PAK5: variants seen among roughly 807,000 people sequenced by gnomAD.
The protein encoded by PAK5 is p21 (RAC1) activated kinase 5, also known as serine/threonine-protein kinase PAK 5.
Under a neutral mutation model 65.9 loss-of-function variants are expected in PAK5, and 16 were observed. That is an observed-to-expected ratio of 0.24 (90% CI 0.16 to 0.37). The LOEUF is 0.37. Ranked by LOEUF, PAK5 falls within the 10% of genes least tolerant of loss-of-function variation. The pLI, the probability that PAK5 is intolerant of heterozygous loss-of-function variation, is 1.00. For synonymous variants in PAK5, 371 were observed against 354.9 expected (o/e 1.05, Z -0.51); for missense variants, 785 against 903.9 (o/e 0.87, Z 1.69).
chr20:9,545,304 G>T (rs972066232), intron 7 of PAK5, among the ~76,000 whole-genome samples: 6 of 152,130 alleles, frequency 3.9e-5, no homozygotes, highest in African/African-American at 1.2e-4. Flanking sequence ...TAGGCACCCT[G>T]CTGGTTTATG....
intron 2 of PAK5, among the ~76,000 whole-genome samples, chr20:9,657,426 T>C (rs2047283240): frequency 6.6e-6 from 1 of 152,192 alleles, no homozygotes; most frequent in East Asian, 1.9e-4. Flanking sequence ...TTTCTAGTTT[T>C]TGGCTATTAC....
intron 3 of PAK5, among the ~76,000 whole-genome samples, chr20:9,643,342 A>G (rs1310828278): frequency 1.3e-5 from 2 of 152,232 alleles, no homozygotes; most frequent in Non-Finnish European, 2.9e-5. Context: ...GAAGAGCAGA[A>G]GAAAACTGCA....
At chr20:9,593,255 A>G (rs913560486) in intron 3 of PAK5, among the ~76,000 whole-genome samples, 11 of 151,964 alleles carry the variant, frequency 7.2e-5, no homozygotes, top group Admixed American at 7.2e-4. Context: ...AGTCAGGTAT[A>G]ATCATACCAC....
At chr20:9,812,303 G>A (rs540207812) in intron 1 of PAK5, among the ~76,000 whole-genome samples, 71 of 151,828 alleles carry the variant, frequency 4.7e-4, no homozygotes, top group Middle Eastern at 6.8e-3. Context: ...AAAAAACGAT[G>A]TTTAAAATCA....
chr20:9,664,135 G>A (rs1335406399), intron 2 of PAK5, among the ~76,000 whole-genome samples: 1 of 152,120 alleles, frequency 6.6e-6, no homozygotes, highest in East Asian at 1.9e-4. Flanking sequence ...ACCATAGAAA[G>A]AGCCCCAGAT....
intron 1 of PAK5, among the ~76,000 whole-genome samples, chr20:9,799,452 TG>T (rs1189005536): frequency 6.6e-6 from 1 of 152,134 alleles, no homozygotes; most frequent in Non-Finnish European, 1.5e-5. Flanking sequence ...GAGTTTTAAC[TG>T]GAACATGCAA....
At chr20:9,732,759 A>G (rs2048347818) in intron 1 of PAK5, among the ~76,000 whole-genome samples, 2 of 152,114 alleles carry the variant, frequency 1.3e-5, no homozygotes, top group Non-Finnish European at 2.9e-5. Flanking sequence ...CTCTCACTCC[A>G]TCCTCTTCAA....
chr20:9,548,070 T>C (rs573417536), intron 7 of PAK5, among the ~76,000 whole-genome samples: 3 of 152,184 alleles, frequency 2.0e-5, no homozygotes, highest in Non-Finnish European at 4.4e-5. Context: ...ACCTGAATGG[T>C]TTTTAAAGCC....
At chr20:9,641,626 G>T (rs192594200) in intron 3 of PAK5, among the ~76,000 whole-genome samples, 1 of 151,982 alleles carries the variant, frequency 6.6e-6, no homozygotes, top group African/African-American at 2.4e-5. Flanking sequence ...GGGACTGGGC[G>T]CTGTGGAGCA....
At chr20:9,688,021 G>A (rs2047743324) in intron 2 of PAK5, among the ~76,000 whole-genome samples, 3 of 151,878 alleles carry the variant, frequency 2.0e-5, no homozygotes, top group African/African-American at 4.8e-5. Context: ...ATGGATTGGC[G>A]ATGGTGGGGG....
chr20:9,687,124 T>C (rs1372650906), intron 2 of PAK5, among the ~76,000 whole-genome samples: 1 of 152,198 alleles, frequency 6.6e-6, no homozygotes, highest in African/African-American at 2.4e-5. Context: ...GCCTATCTTA[T>C]GCCCAGGCTG....
chr20:9,558,997 G>A (rs796261749), intron 6 of PAK5, among the ~76,000 whole-genome samples: 17 of 152,200 alleles, frequency 1.1e-4, no homozygotes, highest in African/African-American at 1.4e-4. Context: ...CACGCTTTCC[G>A]ACTTTCCCAC....
At chr20:9,617,652 T>G (rs2123169486) in intron 3 of PAK5, among the ~76,000 whole-genome samples, 1 of 146,918 alleles carries the variant, frequency 6.8e-6, no homozygotes, top group African/African-American at 2.5e-5. Flanking sequence ...ACCTCTTAGG[T>G]TCGCGCCATT....
intron 1 of PAK5, among the ~76,000 whole-genome samples, chr20:9,779,958 C>T (rs1244724970): frequency 6.6e-6 from 1 of 152,008 alleles, no homozygotes; most frequent in Non-Finnish European, 1.5e-5. Flanking sequence ...ATACACGTAT[C>T]CTATAGTAAA....
intron 1 of PAK5, among the ~76,000 whole-genome samples, chr20:9,784,694 A>G (rs2048974650): frequency 6.6e-6 from 1 of 152,062 alleles, no homozygotes; most frequent in Non-Finnish European, 1.5e-5. Flanking sequence ...TGATAGTATT[A>G]ATATAGGAAC....
chr20:9,789,315 C>T (rs1482989486), intron 1 of PAK5, among the ~76,000 whole-genome samples: 1 of 152,130 alleles, frequency 6.6e-6, no homozygotes, highest in African/African-American at 2.4e-5. Context: ...CTGAATTTTT[C>T]TTGGGGACAG....
At chr20:9,565,137 T>C (rs2045654153) in intron 5 of PAK5, among the ~76,000 whole-genome samples, 1 of 151,900 alleles carries the variant, frequency 6.6e-6, no homozygotes, top group Non-Finnish European at 1.5e-5. Flanking sequence ...CAGGTCAATA[T>C]ATTTTATGAT....
At chr20:9,642,066 T>A (rs1020066226) in intron 3 of PAK5, among the ~76,000 whole-genome samples, 1 of 152,184 alleles carries the variant, frequency 6.6e-6, no homozygotes, top group African/African-American at 2.4e-5. Context: ...GAAGGGCTCC[T>A]CAAATGCCAC....
At chr20:9,576,410 G>T (rs559947345) in intron 4 of PAK5, among the ~76,000 whole-genome samples, 1 of 152,252 alleles carries the variant, frequency 6.6e-6, no homozygotes, top group African/African-American at 2.4e-5. Context: ...GGTATATTTT[G>T]GTTGTTAGGA....
Sources: gnomAD v4.1 joint callset for allele counts (sites outside exome capture counted in the v4.1 genomes callset) on GRCh38, gnomAD v4.1.1 for gene constraint, MANE v1.5 for transcripts, NCBI Gene and HGNC (gene_info 2026-07-23, HGNC 2026-07-21) for gene names.